HEMK2: variants seen among roughly 807,000 people sequenced by gnomAD.
The protein encoded by HEMK2 is methyltransferase HEMK2.
the HEMK2 span, among the ~76,000 whole-genome samples, chr21:28,773,827 G>T: frequency 6.6e-6 from 1 of 152,046 alleles, no homozygotes; most frequent in African/African-American, 2.4e-5. Context: ...TTTTCTTATG[G>T]CCTGATACTT....
the HEMK2 span, among the ~76,000 whole-genome samples, chr21:28,782,356 G>A: frequency 2.6e-5 from 4 of 152,124 alleles, no homozygotes; most frequent in Admixed American, 6.5e-5. Context: ...AGGCACTCTA[G>A]GCAAAAGGAA....
chr21:28,836,800 G>A, the HEMK2 span, among the ~76,000 whole-genome samples: 1 of 143,020 alleles, frequency 7.0e-6, no homozygotes, highest in Non-Finnish European at 1.5e-5. Context: ...TAAACTTAAA[G>A]TAAAGCGGTT....
chr21:28,707,065 G>A, the HEMK2 span, among the ~76,000 whole-genome samples: 1 of 152,138 alleles, frequency 6.6e-6, no homozygotes, highest in African/African-American at 2.4e-5. Flanking sequence ...TCTCAAAAGT[G>A]AAGGGCCTCA....
chr21:28,717,171 A>G, the HEMK2 span, among the ~76,000 whole-genome samples: 1 of 152,106 alleles, frequency 6.6e-6, no homozygotes, highest in African/African-American at 2.4e-5. Flanking sequence ...ATTTTTTGGA[A>G]TAGTTTCAGT....
At chr21:28,718,839 G>C in the HEMK2 span, among the ~76,000 whole-genome samples, 1 of 152,188 alleles carries the variant, frequency 6.6e-6, no homozygotes, top group East Asian at 1.9e-4. Flanking sequence ...AGAAAATCCA[G>C]TCAACCTGAT....
the HEMK2 span, chr21:28,577,480 C>A: frequency 6.6e-6 from 1 of 152,116 alleles, no homozygotes; most frequent in Admixed American, 6.5e-5. Context: ...TTTTCTTTAT[C>A]CATAAGAAAT....
the HEMK2 span, among the ~76,000 whole-genome samples, chr21:28,658,668 T>G: frequency 6.6e-6 from 1 of 152,126 alleles, no homozygotes; most frequent in Non-Finnish European, 1.5e-5. Context: ...CAATCTCATA[T>G]GAGCTATTTG....
the HEMK2 span, among the ~76,000 whole-genome samples, chr21:28,725,223 C>T: frequency 6.6e-6 from 1 of 152,244 alleles, no homozygotes; most frequent in African/African-American, 2.4e-5. Flanking sequence ...TAAATGCATG[C>T]TAAATTGTAT....
the HEMK2 span, among the ~76,000 whole-genome samples, chr21:28,593,803 G>A: frequency 6.6e-6 from 1 of 152,154 alleles, no homozygotes; most frequent in African/African-American, 2.4e-5. Flanking sequence ...GGCTACATAA[G>A]TAAATAAATG....
chr21:28,883,104 A>G, the HEMK2 span: 1 of 1,460,352 alleles, frequency 6.8e-7, no homozygotes, highest in Non-Finnish European at 9.4e-7. Flanking sequence ...TTAGTATAGT[A>G]GAATCAAAAT....
At chr21:28,800,024 T>C in the HEMK2 span, among the ~76,000 whole-genome samples, 1 of 152,216 alleles carries the variant, frequency 6.6e-6, no homozygotes, top group Non-Finnish European at 1.5e-5. Flanking sequence ...ACTCACATTG[T>C]AGCTTTGGCA....
chr21:28,806,673 G>A, the HEMK2 span, among the ~76,000 whole-genome samples: 1 of 152,052 alleles, frequency 6.6e-6, no homozygotes, highest in African/African-American at 2.4e-5. Context: ...AGGGAAAATG[G>A]GACAGACATA....
chr21:28,797,023 G>A, the HEMK2 span, among the ~76,000 whole-genome samples: 544 of 152,196 alleles, frequency 3.6e-3, 1 homozygote, highest in African/African-American at 0.012. Flanking sequence ...TATTCCCTAG[G>A]CTGTTGGTTG....
chr21:28,636,243 T>C, the HEMK2 span, among the ~76,000 whole-genome samples: 1 of 152,180 alleles, frequency 6.6e-6, no homozygotes, highest in African/African-American at 2.4e-5. Flanking sequence ...TTTTGCCTAC[T>C]TGTTGTACTT....
At chr21:28,641,783 C>T in the HEMK2 span, among the ~76,000 whole-genome samples, 73 of 152,278 alleles carry the variant, frequency 4.8e-4, 1 homozygote, top group African/African-American at 1.7e-3. Context: ...TATCAAGTCT[C>T]TCTCTCTCAG....
the HEMK2 span, among the ~76,000 whole-genome samples, chr21:28,628,228 A>G: frequency 5.9e-5 from 9 of 152,326 alleles, 1 homozygote; most frequent in South Asian, 1.9e-3. Flanking sequence ...ATTTATATAT[A>G]GTATAAGCTT....
At chr21:28,792,706 G>T in the HEMK2 span, among the ~76,000 whole-genome samples, 23 of 152,256 alleles carry the variant, frequency 1.5e-4, no homozygotes, top group Non-Finnish European at 2.6e-4. Context: ...GCAATGCTCC[G>T]TCTTGCTTTC....
chr21:28,602,043 GC>G, the HEMK2 span, among the ~76,000 whole-genome samples: 1 of 152,256 alleles, frequency 6.6e-6, no homozygotes, highest in East Asian at 1.9e-4. Flanking sequence ...GCTTGTACAA[GC>G]CTAATTTCCT....
chr21:28,614,034 A>G, the HEMK2 span, among the ~76,000 whole-genome samples: 1 of 152,218 alleles, frequency 6.6e-6, no homozygotes, highest in African/African-American at 2.4e-5. Flanking sequence ...TCTTGCATAC[A>G]TATTATGAGG....
Sources: gnomAD v4.1 joint callset for allele counts (sites outside exome capture counted in the v4.1 genomes callset) on GRCh38, gnomAD v4.1.1 for gene constraint, MANE v1.5 for transcripts, NCBI Gene and HGNC (gene_info 2026-07-23, HGNC 2026-07-21) for gene names.